INPP5F: variants seen among roughly 807,000 people sequenced by gnomAD.
The protein encoded by INPP5F is inositol polyphosphate-5-phosphatase F, also known as phosphatidylinositide 4-phosphatase SAC2.
Under a neutral mutation model 137.2 loss-of-function variants are expected in INPP5F, and 97 were observed. That is an observed-to-expected ratio of 0.71 (90% CI 0.60 to 0.84). The LOEUF is 0.84. Among genes scored for constraint, INPP5F ranks in the 40% least tolerant of loss-of-function variants. The pLI, the probability that INPP5F is intolerant of heterozygous loss-of-function variation, is 0.00. For missense variants in INPP5F, 1,271 were observed against 1,371.9 expected (o/e 0.93, Z 1.16); for synonymous variants, 504 against 476.9 (o/e 1.06, Z -0.74).
At chr10:119,800,957 A>G (rs1850567767) in intron 9 of INPP5F, among the ~76,000 whole-genome samples, 1 of 151,994 alleles carries the variant, frequency 6.6e-6, no homozygotes, top group East Asian at 1.9e-4. Flanking sequence ...CAAAAAAAAA[A>G]AAAAAAAAAA....
At chr10:119,825,684 G>T (rs750436567) in intron 19 of INPP5F, among the ~76,000 whole-genome samples, 31 of 152,156 alleles carry the variant, frequency 2.0e-4, no homozygotes, top group Non-Finnish European at 3.8e-4. Context: ...TTTGGAAAAA[G>T]AATGCCTATC....
intron 1 of INPP5F, among the ~76,000 whole-genome samples, chr10:119,727,662 A>G (rs1447774216): frequency 1.3e-5 from 2 of 152,344 alleles, no homozygotes; most frequent in African/African-American, 2.4e-5. Context: ...GGCTCTGTCT[A>G]TATTTTCTTG....
chr10:119,756,111 G>A lies in INPP5F; in HGVS notation c.178+4955G>A, dbSNP rs1463935079. On this transcript the variant is annotated intron_variant, in intron 2 of 19. Transcript: ENST00000650623. The stretch of plus-strand genomic sequence containing the variant: ...GCAGAGGTTGCAGTAAGCCAGGATC[G>A]CACCACTGCACTCCAGCCTGGGTGA... Among the ~76,000 whole-genome samples, 4 of 152,102 alleles carry A rather than the reference G, an allele frequency of 2.6e-5. No homozygotes were observed. The East Asian group carries it at 5.8e-4, about 22-fold the overall frequency.
At chr10:119,823,690 G>T in intron 18 of INPP5F, 125 bp from the exon 19 acceptor site, 1 of 617,408 alleles carries the variant, frequency 1.6e-6, no homozygotes, top group South Asian at 2.6e-5. Context: ...TCTATAAATC[G>T]AAGCAAATAA....
intron 2 of INPP5F, among the ~76,000 whole-genome samples, chr10:119,756,932 T>C (rs1848865437): frequency 6.6e-6 from 1 of 150,782 alleles, no homozygotes; most frequent in Non-Finnish European, 1.5e-5. Context: ...TTAGAACCAT[T>C]AGCCTATTTT....
intron 6 of INPP5F, among the ~76,000 whole-genome samples, chr10:119,795,035 C>A (rs1850302478): frequency 1.4e-5 from 2 of 138,034 alleles, no homozygotes; most frequent in Non-Finnish European, 3.2e-5. Flanking sequence ...GGCTGACCCC[C>A]CCACCTCCCT....
chr10:119,789,369 A>G (rs1168660700), intron 3 of INPP5F, among the ~76,000 whole-genome samples: 1 of 152,194 alleles, frequency 6.6e-6, no homozygotes, highest in East Asian at 1.9e-4. Flanking sequence ...CTGATATTTT[A>G]TATAAAAATT....
At chr10:119,771,940 G>A (rs1849378966) in intron 2 of INPP5F, among the ~76,000 whole-genome samples, 1 of 118,184 alleles carries the variant, frequency 8.5e-6, no homozygotes, top group Non-Finnish European at 1.6e-5. Flanking sequence ...CTGTTGCTCA[G>A]GCTGGAGTGC....
chr10:119,809,658 GC>G (rs1049954460), intron 13 of INPP5F, among the ~76,000 whole-genome samples: 1 of 149,742 alleles, frequency 6.7e-6, no homozygotes, highest in African/African-American at 2.5e-5. Context: ...CCTGTGTAGA[GC>G]TGCTCATCTG....
intron 1 of INPP5F, among the ~76,000 whole-genome samples, chr10:119,727,436 C>T (rs550708948): frequency 3.3e-5 from 5 of 152,214 alleles, no homozygotes; most frequent in African/African-American, 7.2e-5. Flanking sequence ...CCCACAGCAA[C>T]CTTACAGGAC....
chr10:119,818,395 C>G (rs996675146), intron 15 of INPP5F, among the ~76,000 whole-genome samples: 1 of 152,234 alleles, frequency 6.6e-6, no homozygotes, highest in South Asian at 2.1e-4. Flanking sequence ...TGGCCAGGCA[C>G]GCGGCAGCCA....
rs7092781 is a variant in INPP5F at position 119,735,999 on chromosome 10, G to A, written c.97+9640G>A. 1.9e-3 allele frequency among the ~76,000 whole-genome samples: 295 copies of A among 152,266 alleles called. 1 individual carries two copies. Among genetic ancestry groups the A allele is most frequent in the African/African-American group, 6.8e-3 (281 of 41,566 alleles). The stretch of plus-strand genomic sequence containing the variant: ...ACAAAAATTAGGCGGGTGTGGTGGC[G>A]AGCGCCGGTAATCCCAGCTTCTCTG... On this transcript the variant is annotated intron_variant, in intron 1 of 19. Transcript: ENST00000650623.
chr10:119,805,522 A>G (rs1459869263), intron 11 of INPP5F, 61 bp downstream of exon 11: 4 of 1,102,948 alleles, frequency 3.6e-6, no homozygotes, highest in Non-Finnish European at 4.2e-6. Context: ...AGTACCACTG[A>G]GCATTAAACT....
intron 1 of INPP5F, among the ~76,000 whole-genome samples, chr10:119,738,251 G>T (rs990187690): frequency 1.5e-4 from 23 of 152,202 alleles, no homozygotes; most frequent in African/African-American, 5.3e-4. Flanking sequence ...CTATACTTTT[G>T]TAATTTGTAA....
rs529914798 is a variant in INPP5F at position 119,825,969 on chromosome 10, A to G, written c.2250-662A>G. The G allele has an allele frequency of 1.3e-5, 5 of 398,594 alleles. No individual in the cohort carries two copies. The East Asian group carries it at 1.4e-4, about 11-fold the overall frequency. The allele number at this position is 398,594 out of a possible 1,614,324, so 24.7% of individuals were successfully genotyped here. A position where few individuals can be genotyped will look rare whatever the true frequency, so the allele number is the denominator to read the frequency against. On this transcript the variant is annotated intron_variant, in intron 19 of 19. Transcript: ENST00000650623. Reference sequence around the variant, plus strand: ...ATTTATAGCTGTCATGAGGGATACCAAAGGAGAGAAGACACTAATTGTTAA... The same window carrying G: ...ATTTATAGCTGTCATGAGGGATACCGAAGGAGAGAAGACACTAATTGTTAA...
chr10:119,794,587 T>C (rs1009099922), intron 6 of INPP5F, among the ~76,000 whole-genome samples: 1 of 149,928 alleles, frequency 6.7e-6, no homozygotes, highest in Non-Finnish European at 1.5e-5. Flanking sequence ...CACTTTCCAG[T>C]AGGGGCGGCC....
intron 19 of INPP5F, among the ~76,000 whole-genome samples, chr10:119,824,157 C>T (rs759432019): frequency 1.8e-4 from 28 of 152,128 alleles, no homozygotes; most frequent in Non-Finnish European, 3.1e-4. Context: ...CCTTCGGCTT[C>T]CCTTTATATT....
intron 3 of INPP5F, among the ~76,000 whole-genome samples, chr10:119,785,174 A>G (rs138115778): frequency 1.3e-4 from 20 of 150,058 alleles, no homozygotes; most frequent in Admixed American, 2.7e-4. Flanking sequence ...GCCATTTTGC[A>G]TACAAGTTCT....
intron 2 of INPP5F, among the ~76,000 whole-genome samples, chr10:119,773,208 C>T (rs1849420804): frequency 1.3e-5 from 2 of 152,044 alleles, no homozygotes; most frequent in Non-Finnish European, 2.9e-5. Context: ...AGATGTGTGC[C>T]ACCATGCCCT....
Sources: gnomAD v4.1 joint callset for allele counts (sites outside exome capture counted in the v4.1 genomes callset) on GRCh38, gnomAD v4.1.1 for gene constraint, MANE v1.5 for transcripts, NCBI Gene and HGNC (gene_info 2026-07-23, HGNC 2026-07-21) for gene names.